FGF14: variants seen among roughly 807,000 people sequenced by gnomAD.
The protein encoded by FGF14 is fibroblast growth factor homologous factor 4.
In FGF14, 5 loss-of-function variants were observed where a neutral mutation model predicts 25.5. The observed-to-expected ratio is 0.20, with a 90% CI of 0.10 to 0.41. The LOEUF (loss-of-function observed/expected upper bound fraction) is 0.41. FGF14 is among the 10% of genes least tolerant of loss of function. The probability of loss-of-function intolerance (pLI) is 1.00; values close to 1 mark genes in which losing one functional copy is unlikely to be tolerated. For missense variants in FGF14, 222 were observed against 320.1 expected, an observed-to-expected ratio of 0.69 and a Z score of 2.34; for synonymous variants, 138 against 118.3, an observed-to-expected ratio of 1.17 and a Z score of -1.08.
At chr13:102,347,871 T>C (rs533733079) in intron 1 of FGF14, among the ~76,000 whole-genome samples, 4 of 152,210 alleles carry the variant, frequency 2.6e-5, no homozygotes, top group Non-Finnish European at 4.4e-5. Context: ...AAGGGAATGT[T>C]TATAAAAATA....
Position 101,749,429 on chromosome 13 carries a change from ATT to A in FGF14, c.409-22621_409-22620del, listed in dbSNP as rs1332380729. ...TAAAAGTCAATCCCAAAGGTTACAT[ATT>A]GTCATATTTCATCTATGTAACACTC... On this transcript the variant is annotated intron_variant, in intron 3 of 4. Coordinates refer to ENST00000376143, the MANE Select transcript of FGF14 (RefSeq NM_004115.4). Among the ~76,000 whole-genome samples the A allele has an allele frequency of 7.2e-5, 11 of 152,234 alleles. 1 individual carries two copies. The highest frequency in any genetic ancestry group is 1.7e-4 in the African/African-American group (7 of 41,572).
intron 1 of FGF14, among the ~76,000 whole-genome samples, chr13:102,119,887 T>G (rs140459110): frequency 1.3e-5 from 2 of 152,242 alleles, no homozygotes; most frequent in Non-Finnish European, 2.9e-5. Context: ...CCAGAGAGAT[T>G]CAGATGAGCC....
At chr13:102,082,838 G>C (rs1037627387) in intron 1 of FGF14, among the ~76,000 whole-genome samples, 1 of 151,164 alleles carries the variant, frequency 6.6e-6, no homozygotes, top group Non-Finnish European at 1.5e-5. Context: ...GGCGCCTGTA[G>C]TCCCAGCTAC....
rs2034584193 is a variant in FGF14, at chr13:101,713,676, CT to C, written c.*9154del. 1 of 151,938 alleles carries C rather than the reference CT, an allele frequency of 6.6e-6. No individual in the cohort carries two copies. Among genetic ancestry groups the C allele is most frequent in the African/African-American group, 2.4e-5 (1 of 41,362 alleles). 9.4% of individuals were successfully genotyped at this position (151,938 alleles called of 1,614,324 possible). Reference sequence around the variant, plus strand: ...TACCATTCATCATCTCATTTATTTTCTTTTATTTTAAATATATCATTAATAA... The same window carrying C: ...TACCATTCATCATCTCATTTATTTTCTTTATTTTAAATATATCATTAATAA... On this transcript the variant is annotated 3_prime_UTR_variant, in exon 5 of 5. Transcript: ENST00000376143.
intron 1 of FGF14, among the ~76,000 whole-genome samples, chr13:102,037,524 T>C (rs1443442606): frequency 6.6e-6 from 1 of 151,996 alleles, no homozygotes; most frequent in Non-Finnish European, 1.5e-5. Context: ...TCTCCCTATA[T>C]CCATATTCCT....
chr13:101,910,837 CGTGTGTGTGTGTGTGT>C (rs59758881), intron 1 of FGF14, among the ~76,000 whole-genome samples: 3,179 of 129,308 alleles, frequency 0.025, 35 homozygotes, highest in South Asian at 0.059. Flanking sequence ...GATTTGGATT[CGTGTGTGTGTGTGTGT>C]GTGTGTGTGT....
chr13:102,199,742 C>T (rs7327500), intron 1 of FGF14, among the ~76,000 whole-genome samples: 22,483 of 152,132 alleles, frequency 0.15, 2,096 homozygotes, highest in East Asian at 0.22. Context: ...CTCATGTAAT[C>T]CAATCCTTCA....
intron 1 of FGF14, among the ~76,000 whole-genome samples, chr13:102,106,527 A>G (rs372845228): frequency 6.9e-6 from 1 of 145,122 alleles, no homozygotes. Flanking sequence ...GTGAGCCAAG[A>G]TCGCACCATT....
chr13:101,821,104 A>T (rs550994200), intron 3 of FGF14, among the ~76,000 whole-genome samples: 18 of 150,480 alleles, frequency 1.2e-4, no homozygotes, highest in Admixed American at 4.0e-4. Flanking sequence ...GCCCGCTACC[A>T]CGCCGGGCTA....
chr13:102,218,387 G>T (rs1163190185), intron 1 of FGF14, among the ~76,000 whole-genome samples: 1 of 152,102 alleles, frequency 6.6e-6, no homozygotes, highest in East Asian at 1.9e-4. Flanking sequence ...GGAGAGCACA[G>T]CTGGCCATGG....
chr13:101,748,140 T>C (rs776326591), intron 3 of FGF14, among the ~76,000 whole-genome samples: 7 of 151,616 alleles, frequency 4.6e-5, no homozygotes, highest in Non-Finnish European at 8.8e-5. Flanking sequence ...GAAAAGAAAT[T>C]ATTCTATAAA....
intron 3 of FGF14, among the ~76,000 whole-genome samples, chr13:101,830,487 C>T (rs1017223603): frequency 4.6e-5 from 7 of 151,882 alleles, no homozygotes; most frequent in African/African-American, 1.5e-4. Context: ...ATTTAGTTAC[C>T]GGTTGTACAT....
intron 1 of FGF14, among the ~76,000 whole-genome samples, chr13:102,233,200 TC>T: frequency 1.3e-5 from 2 of 152,306 alleles, no homozygotes; most frequent in East Asian, 3.9e-4. Flanking sequence ...AGTAGCATGA[TC>T]TCGGCTCACT....
At chr13:102,014,042 A>G (rs914579147) in intron 1 of FGF14, among the ~76,000 whole-genome samples, 1 of 152,138 alleles carries the variant, frequency 6.6e-6, no homozygotes, top group African/African-American at 2.4e-5. Context: ...CTATAAAAGT[A>G]TCATTTTAAA....
chr13:101,922,842 T>A (rs1296910961), intron 1 of FGF14, among the ~76,000 whole-genome samples: 1 of 146,786 alleles, frequency 6.8e-6, no homozygotes, highest in African/African-American at 2.7e-5. Context: ...ATTTTGTTTT[T>A]TATTTATCCT....
intron 1 of FGF14, among the ~76,000 whole-genome samples, chr13:102,325,575 T>C (rs2056397798): frequency 6.6e-6 from 1 of 152,182 alleles, no homozygotes; most frequent in Non-Finnish European, 1.5e-5. Flanking sequence ...GAGTGTATCA[T>C]GGGTAAGGCC....
intron 1 of FGF14, among the ~76,000 whole-genome samples, chr13:102,093,813 TA>T (rs141719540): frequency 0.18 from 26,360 of 144,034 alleles, 2,452 homozygotes; most frequent in South Asian, 0.27. Context: ...GATCATTGTT[TA>T]AAAAAAAAAA....
chr13:102,269,694 C>T (rs1479280371), intron 1 of FGF14, among the ~76,000 whole-genome samples: 1 of 152,102 alleles, frequency 6.6e-6, no homozygotes, highest in Non-Finnish European at 1.5e-5. Context: ...CCAGCTCCAC[C>T]CTGGCAATCT....
intron 1 of FGF14, among the ~76,000 whole-genome samples, chr13:102,250,028 T>C (rs1028085106): frequency 2.0e-5 from 3 of 152,122 alleles, no homozygotes; most frequent in African/African-American, 7.2e-5. Context: ...ATCCTGCCTA[T>C]GTAAGAAGAC....
Sources: gnomAD v4.1 joint callset for allele counts (sites outside exome capture counted in the v4.1 genomes callset) on GRCh38, gnomAD v4.1.1 for gene constraint, MANE v1.5 for transcripts, NCBI Gene and HGNC (gene_info 2026-07-23, HGNC 2026-07-21) for gene names.